TMEM163: variants seen among roughly 807,000 people sequenced by gnomAD.
The protein encoded by TMEM163 is transmembrane protein 163.
Under a neutral mutation model 29.3 loss-of-function variants are expected in TMEM163, and 17 were observed. The observed-to-expected ratio is 0.58, with a 90% CI of 0.40 to 0.87. The LOEUF is 0.87. Among genes scored for constraint, TMEM163 ranks in the 40% least tolerant of loss-of-function variants. TMEM163 has a pLI of 0.00. For synonymous variants in TMEM163, 157 were observed against 160.6 expected (o/e 0.98, Z 0.17); for missense variants, 303 against 381.5 (o/e 0.79, Z 1.71).
In TMEM163 at chr2:134,691,978, A is replaced by G. The variant is rs1684478663; in HGVS notation, c.322+21222T>C. Among the ~76,000 whole-genome samples, 2 of 152,100 alleles carry G rather than the reference A, an allele frequency of 1.3e-5. 1 individual carries two copies. Among genetic ancestry groups the G allele is most frequent in the South Asian group, 4.2e-4 (2 of 4,812 alleles). On this transcript the variant is annotated intron_variant, in intron 2 of 7. Transcript: ENST00000281924. ...CTTTGCAGATGTGATTAATTTCAGAACCGTAGCAGGAGTGATGACCCTGAG... is the reference window on the plus strand; with the variant it reads ...CTTTGCAGATGTGATTAATTTCAGAGCCGTAGCAGGAGTGATGACCCTGAG...
chr2:134,533,457 T>A (rs1050324872), intron 4 of TMEM163, among the ~76,000 whole-genome samples: 18 of 152,240 alleles, frequency 1.2e-4, no homozygotes, highest in African/African-American at 4.3e-4. Flanking sequence ...TTCACTGTGA[T>A]GATCTTTTAT....
intron 5 of TMEM163, among the ~76,000 whole-genome samples, chr2:134,483,413 G>A (rs2106480241): frequency 6.6e-6 from 1 of 152,246 alleles, no homozygotes; most frequent in Non-Finnish European, 1.5e-5. Context: ...ACCTCTGGTT[G>A]CCTGCTTTTG....
At chr2:134,694,657 T>C (rs567323401) in intron 2 of TMEM163, among the ~76,000 whole-genome samples, 159 of 152,330 alleles carry the variant, frequency 1.0e-3, no homozygotes, top group African/African-American at 3.7e-3. Flanking sequence ...GTAATAAATA[T>C]CTATTCAGTT....
At chr2:134,558,329 TCA>T (rs2104775485) in intron 2 of TMEM163, among the ~76,000 whole-genome samples, 1 of 152,252 alleles carries the variant, frequency 6.6e-6, no homozygotes, top group East Asian at 1.9e-4. Flanking sequence ...ATGCTGCGTG[TCA>T]CACACACTAC....
At chr2:134,554,821 T>C (rs1043899820) in intron 2 of TMEM163, among the ~76,000 whole-genome samples, 13 of 152,142 alleles carry the variant, frequency 8.5e-5, no homozygotes, top group African/African-American at 3.1e-4. Flanking sequence ...ATGGATGACC[T>C]AGAGCACAAG....
intron 6 of TMEM163, chr2:134,459,365 C>G (rs926108011): frequency 9.2e-6 from 1 of 109,004 alleles, no homozygotes; most frequent in East Asian, 3.2e-4. Context: ...CTCAGGACAC[C>G]GAGGTTTGGT....
intron 2 of TMEM163, among the ~76,000 whole-genome samples, chr2:134,656,044 G>C (rs1401604957): frequency 2.8e-5 from 4 of 145,138 alleles, no homozygotes; most frequent in South Asian, 2.2e-4. Context: ...TACAGAGGCA[G>C]GCAGGCCTCC....
chr2:134,550,689 G>A, intron 3 of TMEM163, 28 bp from the exon 4 acceptor site: 1 of 1,600,346 alleles, frequency 6.2e-7, no homozygotes. Flanking sequence ...GGCATTAGAG[G>A]CTTTCCACAG....
At chr2:134,695,419 A>G (rs1049429043) in intron 2 of TMEM163, among the ~76,000 whole-genome samples, 1 of 151,892 alleles carries the variant, frequency 6.6e-6, no homozygotes, top group Non-Finnish European at 1.5e-5. Context: ...AATGATGTGG[A>G]AAAAAATACT....
intron 1 of TMEM163, chr2:134,713,634 G>A (rs769385450): frequency 2.0e-6 from 1 of 505,078 alleles, no homozygotes; most frequent in South Asian, 1.5e-5. Flanking sequence ...TTGCCCCTGT[G>A]TTATGTTGCT....
intron 4 of TMEM163, among the ~76,000 whole-genome samples, chr2:134,519,017 A>G (rs893435102): frequency 1.3e-5 from 2 of 152,232 alleles, no homozygotes; most frequent in Non-Finnish European, 2.9e-5. Flanking sequence ...CAGGACTTCA[A>G]CATTCTCCTG....
intron 5 of TMEM163, among the ~76,000 whole-genome samples, chr2:134,494,981 G>A (rs1208939382): frequency 5.1e-5 from 2 of 39,054 alleles, no homozygotes; most frequent in Admixed American, 6.1e-4. Context: ...CTGCCTCCCA[G>A]GTTCTCCCTC....
At chr2:134,651,870 T>C (rs1256904579) in intron 2 of TMEM163, among the ~76,000 whole-genome samples, 1 of 118,758 alleles carries the variant, frequency 8.4e-6, no homozygotes, top group African/African-American at 4.1e-5. Context: ...TGCGGCATTA[T>C]TTCTGAGGGC....
chr2:134,514,901 T>C (rs1256020310), intron 4 of TMEM163, among the ~76,000 whole-genome samples: 1 of 152,188 alleles, frequency 6.6e-6, no homozygotes, highest in East Asian at 1.9e-4. Context: ...AGCTATTCCT[T>C]CTGCCTAAAA....
At chr2:134,669,972 A>G (rs1469690965) in intron 2 of TMEM163, among the ~76,000 whole-genome samples, 1 of 152,012 alleles carries the variant, frequency 6.6e-6, no homozygotes, top group East Asian at 1.9e-4. Flanking sequence ...TCCAACTGTA[A>G]CCCCATGAGG....
intron 2 of TMEM163, among the ~76,000 whole-genome samples, chr2:134,567,799 G>A (rs1322347938): frequency 1.3e-5 from 2 of 152,202 alleles, no homozygotes; most frequent in Non-Finnish European, 2.9e-5. Flanking sequence ...AGTTGTGGAT[G>A]ATGTTAATGG....
chr2:134,479,655 G>T (rs1240866836), intron 5 of TMEM163, among the ~76,000 whole-genome samples: 1 of 152,136 alleles, frequency 6.6e-6, no homozygotes, highest in Non-Finnish European at 1.5e-5. Flanking sequence ...AAAGGATAAA[G>T]GGCTTAGGGG....
intron 2 of TMEM163, among the ~76,000 whole-genome samples, chr2:134,677,977 C>G (rs1378000514): frequency 1.3e-5 from 2 of 152,146 alleles, no homozygotes; most frequent in East Asian, 3.8e-4. Flanking sequence ...TAAGCCCACC[C>G]GCAGCCAAGC....
intron 2 of TMEM163, among the ~76,000 whole-genome samples, chr2:134,577,524 T>C (rs1681584202): frequency 6.6e-6 from 1 of 152,176 alleles, no homozygotes; most frequent in African/African-American, 2.4e-5. Flanking sequence ...GCTGGAGCCC[T>C]GCACGAGGCG....
Sources: allele counts gnomAD v4.1 joint callset (sites outside exome capture counted in the v4.1 genomes callset), GRCh38; gene constraint gnomAD v4.1.1; transcripts MANE v1.5; gene names NCBI Gene and HGNC (gene_info 2026-07-23, HGNC 2026-07-21).